Variants in MAOA observed in about 807,000 individuals in gnomAD.
The protein encoded by MAOA is amine oxidase [flavin-containing] A.
A neutral mutation model predicts 42.0 loss-of-function variants in MAOA; 6 were observed. That is an observed-to-expected ratio of 0.14 (90% confidence interval 0.08 to 0.28). The LOEUF is 0.28. MAOA is among the 10% of genes least tolerant of loss of function. MAOA has a pLI of 1.00. For synonymous variants in MAOA, 140 were observed against 154.0 expected (o/e 0.91, Z 0.67); for missense variants, 262 against 422.3 (o/e 0.62, Z 3.33).
chrX:43,679,138 G>A (rs962225062), intron 1 of MAOA, among the ~76,000 whole-genome samples: 1 of 111,064 alleles, frequency 9.0e-6, no homozygotes, highest in Non-Finnish European at 1.9e-5. Flanking sequence ...TCTCCTTGCT[G>A]TGATAGGGCA....
At chrX:43,697,520 T>C (rs983698980) in intron 3 of MAOA, among the ~76,000 whole-genome samples, 1 of 112,474 alleles carries the variant, frequency 8.9e-6, no homozygotes, top group East Asian at 2.8e-4. Context: ...TTAGTACTTA[T>C]TTTCAAATAG....
At chrX:43,725,453 C>T (rs1014615794) in intron 5 of MAOA, among the ~76,000 whole-genome samples, 2 of 110,306 alleles carry the variant, frequency 1.8e-5, no homozygotes, top group African/African-American at 3.3e-5. Flanking sequence ...GACCTTTGTT[C>T]GTTTAAAGTC....
At chrX:43,713,367 AC>A (rs1015738042) in intron 5 of MAOA, among the ~76,000 whole-genome samples, 3 of 111,353 alleles carry the variant, frequency 2.7e-5, no homozygotes, top group Non-Finnish European at 5.7e-5. Context: ...ACGATAGATA[AC>A]TAATGCATGT....
chrX:43,738,142 G>T (rs1047599173), intron 10 of MAOA, among the ~76,000 whole-genome samples: 1 of 112,083 alleles, frequency 8.9e-6, no homozygotes, highest in African/African-American at 3.2e-5. Flanking sequence ...AGCTTTTCAG[G>T]TGATTATGAT....
In MAOA at chrX:43,731,858, G is replaced by A. The variant is rs766071655; in HGVS notation, c.955+5G>A. ...AGGCCTTCTGGAAGAAGAAGGGTAGGCTGCTATTATTCATGTTTAAACTGT... is the reference window on the plus strand; with the variant it reads ...AGGCCTTCTGGAAGAAGAAGGGTAGACTGCTATTATTCATGTTTAAACTGT... On this transcript the variant is annotated splice_donor_5th_base_variant and intron_variant, in intron 8 of 14. Transcript: ENST00000338702. 9.2e-6 allele frequency: 11 copies of A among 1,196,982 alleles called. No homozygotes were observed. The South Asian group carries it at 1.8e-4, about 19-fold the overall frequency.
chrX:43,718,169 G>A (rs1017796432), intron 5 of MAOA, among the ~76,000 whole-genome samples: 2 of 108,444 alleles, frequency 1.8e-5, no homozygotes, highest in Admixed American at 9.8e-5. Context: ...ATTCACAGAG[G>A]CAGGGGGTGG....
chrX:43,733,188 C>T (rs1469634381), intron 9 of MAOA, among the ~76,000 whole-genome samples: 4 of 112,103 alleles, frequency 3.6e-5, no homozygotes, highest in South Asian at 3.8e-4. Flanking sequence ...TGGGGTTTCT[C>T]GGTTTTATCC....
intron 1 of MAOA, among the ~76,000 whole-genome samples, chrX:43,668,517 T>C (rs928682089): frequency 8.9e-6 from 1 of 112,583 alleles, no homozygotes; most frequent in African/African-American, 3.2e-5. Context: ...TTTTATGTTA[T>C]GCATTTAAAT....
chrX:43,701,362 T>C (rs2147089421), intron 3 of MAOA, among the ~76,000 whole-genome samples: 1 of 111,862 alleles, frequency 8.9e-6, no homozygotes, highest in East Asian at 2.8e-4. Context: ...TCCTACTCAG[T>C]GACAACCCAA....
chrX:43,677,524 T>G (rs932781149), intron 1 of MAOA, among the ~76,000 whole-genome samples: 3 of 111,315 alleles, frequency 2.7e-5, no homozygotes, highest in African/African-American at 9.8e-5. Flanking sequence ...ACCTCTCTGA[T>G]AAATCCATCA....
intron 1 of MAOA, among the ~76,000 whole-genome samples, chrX:43,672,080 G>A (rs1332112091): frequency 1.8e-5 from 2 of 111,602 alleles, no homozygotes; most frequent in African/African-American, 6.5e-5. Flanking sequence ...CATGAGCATG[G>A]GATGTTCTTC....
intron 1 of MAOA, among the ~76,000 whole-genome samples, chrX:43,668,555 TAGAG>T (rs2033302202): frequency 8.9e-6 from 1 of 112,328 alleles, no homozygotes; most frequent in African/African-American, 3.2e-5. Flanking sequence ...AGTAAAGAGT[TAGAG>T]AGAGATTCTG....
rs778258431 is a variant in MAOA, at chrX:43,715,811, G to A, written c.503+3015G>A. On this transcript the variant is annotated intron_variant, in intron 5 of 14. Transcript: ENST00000338702. ...CAGGGTGGATACTGTGTTTGTAGGG[G>A]GAGGGCATGTTACTTCTCAGGGATG... Among the ~76,000 whole-genome samples, 3 of 110,559 alleles carry A rather than the reference G, an allele frequency of 2.7e-5. No individual in the cohort carries two copies. In the East Asian group the frequency reaches 8.7e-4, roughly 32 times the overall value.
chrX:43,723,004 G>T (rs2033803242), intron 5 of MAOA, among the ~76,000 whole-genome samples: 2 of 111,107 alleles, frequency 1.8e-5, no homozygotes, highest in Admixed American at 9.6e-5. Flanking sequence ...GTAGATGTGT[G>T]GTGTTATTTC....
At chrX:43,720,727 A>C (rs1446607076) in intron 5 of MAOA, among the ~76,000 whole-genome samples, 1 of 96,857 alleles carries the variant, frequency 1.0e-5, no homozygotes. Context: ...TGGGGGAATT[A>C]TATCTTCCGG....
At chrX:43,692,357 C>T (rs780372232) in intron 2 of MAOA, among the ~76,000 whole-genome samples, 1 of 110,619 alleles carries the variant, frequency 9.0e-6, no homozygotes, top group South Asian at 3.9e-4. Context: ...GCATTTCGGC[C>T]CAGCTTCAAA....
intron 1 of MAOA, among the ~76,000 whole-genome samples, chrX:43,673,642 T>G (rs2147075799): frequency 9.0e-6 from 1 of 110,651 alleles, no homozygotes; most frequent in African/African-American, 3.3e-5. Context: ...TCTGGTATGT[T>G]GTGTCTTTGT....
chrX:43,745,135 C>T lies in MAOA; in HGVS notation c.*622C>T, dbSNP rs1038695551. The T allele has an allele frequency of 8.5e-6, 1 of 118,173 alleles. No homozygotes were observed. The highest frequency in any genetic ancestry group is 3.2e-5 in the African/African-American group (1 of 31,071). 9.7% of individuals were successfully genotyped at this position (118,173 alleles called of 1,213,427 possible). The stretch of plus-strand genomic sequence containing the variant: ...TCCTGACCACTTGTAGTCCCTCCGA[C>T]TTCTCTAGACATCTAGTCTCAGTGC... On this transcript the variant is annotated 3_prime_UTR_variant, in exon 15 of 15. Coordinates refer to ENST00000338702, the MANE Select transcript of MAOA (RefSeq NM_000240.4).
chrX:43,697,848 C>T (rs2033593027), intron 3 of MAOA, among the ~76,000 whole-genome samples: 1 of 111,737 alleles, frequency 8.9e-6, no homozygotes, highest in African/African-American at 3.3e-5. Context: ...TAGGGAAAAG[C>T]AGGAAGATAT....
Sources: gnomAD v4.1 joint callset for allele counts (sites outside exome capture counted in the v4.1 genomes callset) on GRCh38, gnomAD v4.1.1 for gene constraint, MANE v1.5 for transcripts, NCBI Gene and HGNC (gene_info 2026-07-23, HGNC 2026-07-21) for gene names.